The following CNR2 variants were observed in gnomAD, a reference collection of about 807,000 sequenced individuals.
CNR2 encodes the protein cannabinoid receptor 2.
For missense variants in CNR2, 379 were observed against 439.9 expected, an observed-to-expected ratio of 0.86 and a Z score of 1.24; for synonymous variants, 172 against 182.2, an observed-to-expected ratio of 0.94 and a Z score of 0.45.
intron 1 of CNR2, among the ~76,000 whole-genome samples, chr1:23,878,370 C>G (rs145865839): frequency 2.0e-5 from 3 of 151,288 alleles, no homozygotes; most frequent in Non-Finnish European, 3.0e-5. Context: ...GCCTCAACAA[C>G]AAAAAAGAAT....
chr1:23,877,817 C>T (rs748380489), intron 1 of CNR2, among the ~76,000 whole-genome samples: 12 of 150,892 alleles, frequency 8.0e-5, no homozygotes, highest in South Asian at 4.2e-4. Flanking sequence ...AAAAATTAGC[C>T]GGGCACGATG....
chr1:23,910,653 T>TCAAAAAA (rs1640567436), intron 1 of CNR2, among the ~76,000 whole-genome samples: 1 of 3,164 alleles, frequency 3.2e-4, no homozygotes, highest in African/African-American at 1.2e-3. Flanking sequence ...AAACGCTGTC[T>TCAAAAAA]CAAAAAAAAA....
chr1:23,896,420 G>A (rs1640284139), intron 1 of CNR2, among the ~76,000 whole-genome samples: 1 of 152,258 alleles, frequency 6.6e-6, no homozygotes, highest in African/African-American at 2.4e-5. Context: ...GGGGAGGCAT[G>A]AAGACTAACT....
At chr1:23,879,886 G>T (rs1367774873) in intron 1 of CNR2, among the ~76,000 whole-genome samples, 2 of 151,954 alleles carry the variant, frequency 1.3e-5, no homozygotes, top group Non-Finnish European at 2.9e-5. Context: ...TCATTTCTCT[G>T]TCCCAAACCC....
chr1:23,875,420 C>A lies in CNR2; in HGVS notation c.198G>T (p.Arg66=), dbSNP rs764457545. ...YLILSSHQLR[R]KPSYLFIGSL... The stretch of plus-strand genomic sequence containing the variant: ...TGCCAATGAACAGGTATGAGGGCTT[C>A]CGGCGGAGTTGGTGGGAGGACAGGA... The change falls in exon 2 of 2, where the codon CGG becomes CGT. Residue 66 remains arginine, a synonymous_variant. Coordinates refer to ENST00000374472, the MANE Select transcript of CNR2 (RefSeq NM_001841.3). The A allele has an allele frequency of 7.4e-6, 12 of 1,614,120 alleles. No homozygotes were observed. The Admixed American group carries it at 1.8e-4, about 25-fold the overall frequency.
chr1:23,876,641 C>G (rs1396432077), intron 1 of CNR2, among the ~76,000 whole-genome samples: 1 of 151,918 alleles, frequency 6.6e-6, no homozygotes, highest in Non-Finnish European at 1.5e-5. Context: ...CGAGAACATC[C>G]TGGTTAACAT....
chr1:23,886,514 G>A (rs1259446013), intron 1 of CNR2, among the ~76,000 whole-genome samples: 1 of 152,210 alleles, frequency 6.6e-6, no homozygotes, highest in Non-Finnish European at 1.5e-5. Context: ...AACCACGCAT[G>A]TTGGTGGCCA....
At chr1:23,910,288 G>A (rs541403726) in intron 1 of CNR2, among the ~76,000 whole-genome samples, 106 of 151,834 alleles carry the variant, frequency 7.0e-4, no homozygotes, top group African/African-American at 2.4e-3. Flanking sequence ...GCTTGTGTGA[G>A]CTTCAGTTTC....
chr1:23,888,963 A>G lies in CNR2; in HGVS notation c.-45-13301T>C, dbSNP rs1570710678. Among the ~76,000 whole-genome samples the G allele has an allele frequency of 2.6e-5, 4 of 152,228 alleles. No individual in the cohort carries two copies. The South Asian group carries it at 8.3e-4, about 32-fold the overall frequency. On this transcript the variant is annotated intron_variant, in intron 1 of 1. Coordinates refer to ENST00000374472, the MANE Select transcript of CNR2 (RefSeq NM_001841.3). ...CAGCCTGGGCAATAAAGCTAGATTC[A>G]GTTTAAAAAAATAAATAAATAAATA...
At chr1:23,909,023 G>C (rs1289424452) in intron 1 of CNR2, among the ~76,000 whole-genome samples, 1 of 152,018 alleles carries the variant, frequency 6.6e-6, no homozygotes, top group Non-Finnish European at 1.5e-5. Context: ...GAAGCAGGTG[G>C]GGGAGGGGAG....
intron 1 of CNR2, among the ~76,000 whole-genome samples, chr1:23,905,233 G>A (rs1370679447): frequency 1.3e-5 from 2 of 149,814 alleles, no homozygotes; most frequent in Non-Finnish European, 3.0e-5. Flanking sequence ...TGCCCAGGCT[G>A]GAGTGTAGTG....
rs766303697 is a variant in CNR2, at chr1:23,901,770, C to G, written c.-46+11476G>C. On this transcript the variant is annotated intron_variant, in intron 1 of 1. Coordinates refer to ENST00000374472, the MANE Select transcript of CNR2 (RefSeq NM_001841.3). ...CCAAGCCTCTTGAGCTCAATCTTCACGCTGTACTCAGCCTTCCCAGAGCTG... is the reference window on the plus strand; with the variant it reads ...CCAAGCCTCTTGAGCTCAATCTTCAGGCTGTACTCAGCCTTCCCAGAGCTG... 3.4e-6 allele frequency: 5 copies of G among 1,481,020 alleles called. No homozygotes were observed. In the African/African-American group the frequency reaches 5.5e-5, roughly 16 times the overall value. 91.7% of individuals were successfully genotyped at this position (1,481,020 alleles called of 1,614,324 possible). A position where few individuals can be genotyped will look rare whatever the true frequency, so the allele number is the denominator to read the frequency against.
At chr1:23,879,242 C>T (rs561825363) in intron 1 of CNR2, among the ~76,000 whole-genome samples, 54 of 151,738 alleles carry the variant, frequency 3.6e-4, no homozygotes, top group Middle Eastern at 6.9e-3. Context: ...TGCAGTGAGC[C>T]GAGATCATGC....
At chr1:23,880,599 CTT>C (rs1274998087) in intron 1 of CNR2, among the ~76,000 whole-genome samples, 2 of 151,432 alleles carry the variant, frequency 1.3e-5, no homozygotes, top group Admixed American at 1.3e-4. Context: ...GAGTTTCACT[CTT>C]GTCACCCAGG....
chr1:23,886,510 G>A (rs567582200), intron 1 of CNR2, among the ~76,000 whole-genome samples: 12 of 152,296 alleles, frequency 7.9e-5, no homozygotes, highest in African/African-American at 2.6e-4. Context: ...TAATAACCAC[G>A]CATGTTGGTG....
intron 1 of CNR2, among the ~76,000 whole-genome samples, chr1:23,899,990 A>AG (rs1557532833): frequency 5.4e-4 from 1 of 1,836 alleles, no homozygotes; most frequent in African/African-American, 8.6e-4. Context: ...AAGAAAGAAA[A>AG]GAAAGAAAGA....
rs1008865848 is a variant in CNR2, at chr1:23,870,641, G to C, written c.*3894C>G. On this transcript the variant is annotated 3_prime_UTR_variant, in exon 2 of 2. Coordinates refer to ENST00000374472, the MANE Select transcript of CNR2 (RefSeq NM_001841.3). Reference sequence around the variant, plus strand: ...CACATAACCAAAATGTGAACCTGCAGGGACAGGTGAGAGGCACTGATGTAG... The same window carrying C: ...CACATAACCAAAATGTGAACCTGCACGGACAGGTGAGAGGCACTGATGTAG... The C allele has an allele frequency of 7.2e-5, 11 of 152,284 alleles. No homozygotes were observed. The highest frequency in any genetic ancestry group is 2.0e-4 in the Admixed American group (3 of 15,290). The allele number at this position is 152,284 out of a possible 1,614,324, so 9.4% of individuals were successfully genotyped here.
At chr1:23,895,085 G>A (rs1169902927) in intron 1 of CNR2, among the ~76,000 whole-genome samples, 5 of 152,072 alleles carry the variant, frequency 3.3e-5, no homozygotes, top group Admixed American at 2.0e-4. Flanking sequence ...AACCAGGCAT[G>A]GTGGCGTGTG....
chr1:23,889,401 G>A (rs139282229), intron 1 of CNR2, among the ~76,000 whole-genome samples: 2 of 152,274 alleles, frequency 1.3e-5, no homozygotes, highest in East Asian at 1.9e-4. Context: ...ACTGGGAGTA[G>A]GGAAGCCTAG....
Sources: gnomAD v4.1 joint callset for allele counts (sites outside exome capture counted in the v4.1 genomes callset) on GRCh38, gnomAD v4.1.1 for gene constraint, MANE v1.5 for transcripts, NCBI Gene and HGNC (gene_info 2026-07-23, HGNC 2026-07-21) for gene names.